MAPK10: variants seen among roughly 807,000 people sequenced by gnomAD.
MAPK10 encodes JNK3 alpha protein kinase.
Under a neutral mutation model 59.3 loss-of-function variants are expected in MAPK10, and 25 were observed. That is an observed-to-expected ratio of 0.42 (90% CI 0.31 to 0.59). The LOEUF is 0.59. Ranked by LOEUF, MAPK10 falls within the 20% of genes least tolerant of loss-of-function variation. The pLI is 0.15. For synonymous variants in MAPK10, 190 were observed against 200.5 expected (o/e 0.95, Z 0.44); for missense variants, 351 against 568.9 (o/e 0.62, Z 3.90).
chr4:86,115,825 G>A (rs904503657), intron 4 of MAPK10, among the ~76,000 whole-genome samples: 1 of 152,166 alleles, frequency 6.6e-6, no homozygotes, highest in Non-Finnish European at 1.5e-5. Context: ...GACTCACAGT[G>A]AGCCTGTGTT....
At chr4:86,397,631 C>T (rs576410515) in intron 1 of MAPK10, among the ~76,000 whole-genome samples, 1 of 152,150 alleles carries the variant, frequency 6.6e-6, no homozygotes, top group African/African-American at 2.4e-5. Context: ...CCTTCTTTCC[C>T]CACTGATTGA....
intron 1 of MAPK10, among the ~76,000 whole-genome samples, chr4:86,468,002 G>T (rs1579317417): frequency 6.6e-6 from 1 of 152,118 alleles, no homozygotes; most frequent in African/African-American, 2.4e-5. Context: ...ATGATTAGCT[G>T]AACTGCTTGC....
intron 1 of MAPK10, among the ~76,000 whole-genome samples, chr4:86,429,101 T>C (rs931994892): frequency 2.0e-5 from 3 of 152,142 alleles, no homozygotes; most frequent in African/African-American, 7.2e-5. Flanking sequence ...TTATCAATAT[T>C]TTTCTTTCTT....
At chr4:86,289,157 A>AT (rs1417627114) in intron 2 of MAPK10, among the ~76,000 whole-genome samples, 1 of 152,156 alleles carries the variant, frequency 6.6e-6, no homozygotes, top group Admixed American at 6.6e-5. Flanking sequence ...AGCGTTTAGG[A>AT]TATCCAAGGC....
chr4:86,408,425 A>C (rs1744664638), intron 1 of MAPK10, among the ~76,000 whole-genome samples: 1 of 152,126 alleles, frequency 6.6e-6, no homozygotes, highest in African/African-American at 2.4e-5. Flanking sequence ...CAGTCATGAG[A>C]TCACTGGGTC....
intron 2 of MAPK10, among the ~76,000 whole-genome samples, chr4:86,227,551 C>T (rs7699333): frequency 0.085 from 12,918 of 151,656 alleles, 1,224 homozygotes; most frequent in African/African-American, 0.23. Context: ...TACTATTCTC[C>T]GGTCTCTAAG....
intron 4 of MAPK10, chr4:86,125,339 AT>A (rs2059905878): frequency 6.6e-6 from 1 of 152,026 alleles, no homozygotes; most frequent in African/African-American, 2.4e-5. Flanking sequence ...TATTCTTCTC[AT>A]TAAAAAAAAT....
chr4:86,536,438 G>A (rs1262131486), intron 1 of MAPK10, among the ~76,000 whole-genome samples: 1 of 152,172 alleles, frequency 6.6e-6, no homozygotes, highest in Non-Finnish European at 1.5e-5. Context: ...ACACGATTAC[G>A]TTTATTCATC....
chr4:86,093,172 T>C (rs1176600043), intron 9 of MAPK10, among the ~76,000 whole-genome samples: 1 of 152,040 alleles, frequency 6.6e-6, no homozygotes, highest in African/African-American at 2.4e-5. Context: ...CTCCATCTAA[T>C]AGCTTAAATT....
chr4:86,093,169 T>A (rs1234384103), intron 9 of MAPK10, among the ~76,000 whole-genome samples: 1 of 152,064 alleles, frequency 6.6e-6, no homozygotes, highest in Non-Finnish European at 1.5e-5. Flanking sequence ...ACACTCCATC[T>A]AATAGCTTAA....
At chr4:86,051,469 C>A (rs1389569927) in intron 11 of MAPK10, among the ~76,000 whole-genome samples, 1 of 152,154 alleles carries the variant, frequency 6.6e-6, no homozygotes, top group Non-Finnish European at 1.5e-5. Context: ...TTTTCTGGTT[C>A]TTTTGCAGCT....
At chr4:86,069,491 T>A in intron 9 of MAPK10, among the ~76,000 whole-genome samples, 1 of 152,022 alleles carries the variant, frequency 6.6e-6, no homozygotes. Context: ...TCACTAGAAA[T>A]AATGAAACTA....
chr4:86,302,264 T>C (rs1277859963), intron 2 of MAPK10, among the ~76,000 whole-genome samples: 2 of 152,214 alleles, frequency 1.3e-5, no homozygotes, highest in African/African-American at 4.8e-5. Flanking sequence ...ATGTAACCAA[T>C]TACATATAGT....
intron 1 of MAPK10, among the ~76,000 whole-genome samples, chr4:86,387,703 A>T (rs1052766933): frequency 2.6e-5 from 4 of 152,174 alleles, no homozygotes; most frequent in Non-Finnish European, 4.4e-5. Flanking sequence ...GTGGCAGAAG[A>T]AAAAAGACAG....
At chr4:86,400,933 T>A (rs767352436) in intron 1 of MAPK10, among the ~76,000 whole-genome samples, 1 of 152,158 alleles carries the variant, frequency 6.6e-6, no homozygotes, top group Non-Finnish European at 1.5e-5. Context: ...ATTGTGTGCT[T>A]ACATAAACAT....
chr4:86,259,564 C>G (rs567634441), intron 2 of MAPK10, among the ~76,000 whole-genome samples: 47 of 152,028 alleles, frequency 3.1e-4, no homozygotes, highest in Non-Finnish European at 5.9e-4. Context: ...ATTCAAACCA[C>G]ATTAAGAGAT....
At chr4:86,339,324 A>G (rs1464424969) in intron 2 of MAPK10, among the ~76,000 whole-genome samples, 4 of 152,208 alleles carry the variant, frequency 2.6e-5, no homozygotes, top group African/African-American at 9.6e-5. Flanking sequence ...CATCCTCAAG[A>G]TAAAACGAGC....
intron 3 of MAPK10, 163 bp downstream of exon 3, chr4:86,194,173 A>G: frequency 1.6e-6 from 1 of 620,704 alleles, no homozygotes; most frequent in Non-Finnish European, 2.9e-6. Flanking sequence ...GGAGCTGGAG[A>G]CTGGGGCTGT....
chr4:86,589,950 C>CTCCA (rs1297786920), intron 1 of MAPK10, among the ~76,000 whole-genome samples: 1 of 149,476 alleles, frequency 6.7e-6, no homozygotes, highest in Non-Finnish European at 1.5e-5. Context: ...CGCCACTGCA[C>CTCCA]TCCAGCCTGG....
Sources: allele counts gnomAD v4.1 joint callset (sites outside exome capture counted in the v4.1 genomes callset), GRCh38; gene constraint gnomAD v4.1.1; transcripts MANE v1.5; gene names NCBI Gene and HGNC (gene_info 2026-07-23, HGNC 2026-07-21).